The following REPS2 variants were observed in gnomAD, a reference collection of about 807,000 sequenced individuals.
REPS2 encodes the protein ralBP1-associated Eps domain-containing protein 2.
In REPS2, 23 loss-of-function variants were observed where a neutral mutation model predicts 53.6. The ratio of observed to expected loss-of-function variants is 0.43; its 90% CI spans 0.31 to 0.61. The LOEUF is 0.61. REPS2 is among the 20% of genes least tolerant of loss of function. The pLI is 0.11. For missense variants in REPS2, 446 were observed against 534.9 expected (o/e 0.83, Z 1.64); for synonymous variants, 238 against 218.6 (o/e 1.09, Z -0.78).
At chrX:16,970,436 A>C (rs1166248065) in intron 1 of REPS2, among the ~76,000 whole-genome samples, 1 of 111,599 alleles carries the variant, frequency 9.0e-6, no homozygotes, top group Non-Finnish European at 1.9e-5. Flanking sequence ...GACCTCAAGC[A>C]GTCTGCCTGC....
rs778587360 is a variant in REPS2 at position 17,025,204 on chromosome X, G to A, written c.673+19G>A. The A allele has an allele frequency of 2.5e-6, 3 of 1,202,724 alleles. No individual in the cohort carries two copies. The highest frequency in any genetic ancestry group is 3.4e-6 in the Non-Finnish European group (3 of 890,520). On this transcript the variant is annotated intron_variant, in intron 4 of 17. Coordinates refer to ENST00000357277, the MANE Select transcript of REPS2 (RefSeq NM_004726.3). ...CATCCAGGTAAGAGGCGACCTGGGG[G>A]CCAGCTGTCCCAGGCAGTGTCTTAG...
rs767339031 is a variant in REPS2 at position 17,046,427 on chromosome X, C to T, written c.772-920C>T. On this transcript the variant is annotated intron_variant, in intron 5 of 17. Transcript: ENST00000357277. ...TCCTGACCTCGTGATCCACCTGCCT[C>T]GGCCTCCCAAAGTGCTGGGATTACT... 1.1e-3 allele frequency among the ~76,000 whole-genome samples: 121 copies of T among 111,559 alleles called. 1 individual carries two copies. The highest frequency in any genetic ancestry group is 1.3e-3 in the Non-Finnish European group (68 of 53,059).
rs1466780715 is a variant in REPS2, at chrX:17,152,362, A to G, written c.*4881A>G. ...GAGGCATTGCAGGGTTTCAATACACAGGACATGTTCTAGTTACAGAAGCCT... is the reference window on the plus strand; with the variant it reads ...GAGGCATTGCAGGGTTTCAATACACGGGACATGTTCTAGTTACAGAAGCCT... On this transcript the variant is annotated 3_prime_UTR_variant, in exon 18 of 18. Transcript: ENST00000357277. 1.8e-5 allele frequency: 2 copies of G among 112,287 alleles called. No homozygotes were observed. The highest frequency in any genetic ancestry group is 3.8e-5 in the Non-Finnish European group (2 of 53,269). 9.3% of individuals were successfully genotyped at this position (112,287 alleles called of 1,213,427 possible).
chrX:17,036,126 G>A (rs2061762469), intron 5 of REPS2, among the ~76,000 whole-genome samples: 1 of 111,823 alleles, frequency 8.9e-6, no homozygotes, highest in African/African-American at 3.3e-5. Context: ...TGAATTATTG[G>A]GTGAAAATGC....
chrX:17,114,179 C>T (rs1004366918), intron 14 of REPS2, among the ~76,000 whole-genome samples: 2 of 111,322 alleles, frequency 1.8e-5, no homozygotes, highest in Admixed American at 9.5e-5. Flanking sequence ...TTCCAGTGGT[C>T]GGATTTCGAA....
chrX:16,946,950 T>A lies in REPS2; in HGVS notation c.89T>A (p.Leu30Gln). The A allele has an allele frequency of 2.3e-6, 2 of 868,973 alleles. No individual in the cohort carries two copies. The highest frequency in any genetic ancestry group is 2.8e-6 in the Non-Finnish European group (2 of 712,848). 71.6% of individuals were successfully genotyped at this position (868,973 alleles called of 1,213,427 possible). A position where few individuals can be genotyped will look rare whatever the true frequency, so the allele number is the denominator to read the frequency against. ...GCGSGPPPLLLSEGEQQCYSE... is the reference protein window; with the variant it reads ...GCGSGPPPLLQSEGEQQCYSE... ...GGCTCCGGGCCGCCGCCGCTGCTGC[T>A]GAGCGAGGGCGAGCAGCAGTGCTAC... Residue 30 changes from leucine (L) to glutamine (Q), a missense_variant, in exon 1 of 18, where the codon CTG (leucine) becomes CAG (glutamine). Physicochemically the swap from Leu to Gln is moderately radical, Grantham distance 113. Coordinates refer to ENST00000357277, the MANE Select transcript of REPS2 (RefSeq NM_004726.3).
chrX:16,997,206 CTGAGCCGTAATT>C (rs1289777156), intron 1 of REPS2, among the ~76,000 whole-genome samples: 6 of 112,557 alleles, frequency 5.3e-5, no homozygotes, highest in African/African-American at 1.9e-4. Context: ...CTTTCGTAAT[CTGAGCCGTAATT>C]GCATTTTAAC....
At chrX:17,012,763 T>A (rs759772414) in intron 2 of REPS2, among the ~76,000 whole-genome samples, 9 of 111,888 alleles carry the variant, frequency 8.0e-5, no homozygotes, top group Non-Finnish European at 1.3e-4. Flanking sequence ...AATCTAAGAT[T>A]GGGTTTTTTT....
At chrX:17,050,650 A>G (rs1203848600) in intron 6 of REPS2, among the ~76,000 whole-genome samples, 1 of 111,336 alleles carries the variant, frequency 9.0e-6, no homozygotes, top group Non-Finnish European at 1.9e-5. Context: ...TAGAAATGGA[A>G]TCTCATAATA....
intron 5 of REPS2, among the ~76,000 whole-genome samples, chrX:17,039,834 G>A (rs946696448): frequency 3.6e-5 from 4 of 112,501 alleles, no homozygotes; most frequent in Non-Finnish European, 7.5e-5. Flanking sequence ...GCAGGGTTGT[G>A]AAGATGAAAA....
chrX:16,947,478 C>G (rs1052973329), intron 1 of REPS2, among the ~76,000 whole-genome samples: 7 of 111,715 alleles, frequency 6.3e-5, no homozygotes, highest in African/African-American at 2.3e-4. Flanking sequence ...TTGGCTGCTG[C>G]CTGGTTTAAC....
chrX:17,124,202 A>G (rs1418531989), intron 14 of REPS2, among the ~76,000 whole-genome samples: 12 of 112,170 alleles, frequency 1.1e-4, no homozygotes, highest in Admixed American at 9.4e-4. Flanking sequence ...TTACCAAGGA[A>G]TGAATTACTG....
chrX:16,990,423 A>G (rs1399105419), intron 1 of REPS2, among the ~76,000 whole-genome samples: 3 of 110,712 alleles, frequency 2.7e-5, no homozygotes, highest in Non-Finnish European at 5.7e-5. Context: ...CAGCCTGACC[A>G]ACATGGTGAA....
chrX:16,950,496 C>T (rs1037613977), intron 1 of REPS2, among the ~76,000 whole-genome samples: 2 of 112,325 alleles, frequency 1.8e-5, no homozygotes, highest in Admixed American at 1.9e-4. Context: ...TACCATTTTG[C>T]GTTCCCATCA....
chrX:17,125,021 G>A (rs1003188721), intron 14 of REPS2, among the ~76,000 whole-genome samples: 2 of 109,265 alleles, frequency 1.8e-5, no homozygotes, highest in Admixed American at 2.0e-4. Context: ...GTGTCACTAC[G>A]CCCAGCTAAT....
chrX:17,080,224 C>G (rs2062437637), intron 13 of REPS2, among the ~76,000 whole-genome samples: 2 of 110,236 alleles, frequency 1.8e-5, no homozygotes, highest in African/African-American at 3.3e-5. Context: ...TCTGCCTTTT[C>G]TCTTCCCCAT....
intron 17 of REPS2, among the ~76,000 whole-genome samples, chrX:17,141,664 C>T (rs1019352162): frequency 6.3e-5 from 7 of 111,986 alleles, no homozygotes; most frequent in Non-Finnish European, 5.6e-5. Flanking sequence ...AATTGTTCCG[C>T]GTCTTTGCCA....
At chrX:16,966,304 TAAG>T (rs2060767730) in intron 1 of REPS2, among the ~76,000 whole-genome samples, 1 of 112,330 alleles carries the variant, frequency 8.9e-6, no homozygotes, top group African/African-American at 3.2e-5. Flanking sequence ...GAGACCCTCT[TAAG>T]AAAATACCAC....
intron 1 of REPS2, among the ~76,000 whole-genome samples, chrX:16,986,254 C>A (rs923522594): frequency 9.0e-6 from 1 of 111,525 alleles, no homozygotes; most frequent in Non-Finnish European, 1.9e-5. Context: ...TATATTGGGA[C>A]CTGGGTGGAA....
Sources: allele counts gnomAD v4.1 joint callset (sites outside exome capture counted in the v4.1 genomes callset), GRCh38; gene constraint gnomAD v4.1.1; transcripts MANE v1.5; gene names NCBI Gene and HGNC (gene_info 2026-07-23, HGNC 2026-07-21).